Variants in DRC7 observed in about 807,000 individuals in gnomAD.
DRC7 encodes dynein regulatory complex subunit 7.
In DRC7, 80 loss-of-function variants were observed where a neutral mutation model predicts 104.4. The observed-to-expected ratio is 0.77, with a 90% CI of 0.64 to 0.92. The LOEUF (loss-of-function observed/expected upper bound fraction) is 0.92. DRC7 is among the 40% of genes least tolerant of loss of function. The pLI is 0.00. For synonymous variants in DRC7, 405 were observed against 447.3 expected (o/e 0.91, Z 1.19); for missense variants, 1,034 against 1,141.1 (o/e 0.91, Z 1.35).
At chr16:57,696,874 A>G (rs2048598079) in intron 2 of DRC7, among the ~76,000 whole-genome samples, 2 of 152,292 alleles carry the variant, frequency 1.3e-5, no homozygotes, top group South Asian at 4.1e-4. Context: ...GTTGTAGATC[A>G]TATCACCTTA....
chr16:57,731,293 G>A lies in DRC7; in HGVS notation c.*35G>A, dbSNP rs781206870. The A allele has an allele frequency of 6.4e-7, 1 of 1,555,694 alleles. No homozygotes were observed. On this transcript the variant is annotated 3_prime_UTR_variant, in exon 19 of 19. Transcript: ENST00000360716. ...TGGGGCCTCAGCCAGAGCTGCCAGAGAAAGGAAACCTCTTCCCGCAGCCTG... is the reference window on the plus strand; with the variant it reads ...TGGGGCCTCAGCCAGAGCTGCCAGAAAAAGGAAACCTCTTCCCGCAGCCTG...
At chr16:57,708,278 T>C (rs1389234914) in intron 8 of DRC7, among the ~76,000 whole-genome samples, 1 of 152,122 alleles carries the variant, frequency 6.6e-6, no homozygotes, top group African/African-American at 2.4e-5. Flanking sequence ...CCTACCATCG[T>C]CCCCAGAGTT....
chr16:57,707,501 G>A lies in DRC7; in HGVS notation c.900G>A (p.Arg300=), dbSNP rs757374716. The A allele has an allele frequency of 1.2e-6, 2 of 1,613,382 alleles. No homozygotes were observed. Among genetic ancestry groups the A allele is most frequent in the East Asian group, 4.5e-5 (2 of 44,880 alleles). Residue 300 remains arginine, a synonymous_variant, in exon 8 of 19, where the codon CGG becomes CGA. Coordinates refer to ENST00000360716, the MANE Select transcript of DRC7 (RefSeq NM_001289162.2). ...KAKPDALHGL[R]VHSWVLVLSG... The stretch of plus-strand genomic sequence containing the variant: ...AGCCGGATGCCCTGCACGGCCTGCG[G>A]GTGCACTCCTGGGTCCTTGTGCTAT...
In DRC7 at chr16:57,700,135, C is replaced by T; in HGVS notation, c.379-10C>T. On this transcript the variant is annotated splice_polypyrimidine_tract_variant and intron_variant, in intron 4 of 18. Transcript: ENST00000360716. Reference sequence around the variant, plus strand: ...CCTTGACCCCACTGGCACCATCTCTCTCCTTGCAGAAGTTCGTGAGCACAA... The same window carrying T: ...CCTTGACCCCACTGGCACCATCTCTTTCCTTGCAGAAGTTCGTGAGCACAA... The T allele has an allele frequency of 6.2e-7, 1 of 1,613,132 alleles. No homozygotes were observed. Among genetic ancestry groups the T allele is most frequent in the Admixed American group, 1.7e-5 (1 of 60,000 alleles).
chr16:57,698,953 C>T lies in DRC7; in HGVS notation c.307C>T (p.Arg103Cys), dbSNP rs760032821. ...GCTGCAGGTGGCAGACAACTTCTCC[C>T]GCCAGTACAGCCATCTGTGCCCGGA... The part of the protein sequence containing the change: ...HLLQVADNFS[R>C]QYSHLCPDRV... Residue 103 changes from arginine (R) to cysteine (C), a missense_variant, in exon 4 of 19, where the codon CGC becomes TGC. By Grantham distance (180) the Arg-to-Cys change is radical. Coordinates refer to ENST00000360716, the MANE Select transcript of DRC7 (RefSeq NM_001289162.2). 3.6e-5 allele frequency: 58 copies of T among 1,614,124 alleles called. No individual in the cohort carries two copies. The highest frequency in any genetic ancestry group is 4.4e-5 in the Non-Finnish European group (52 of 1,180,040).
At position 57,726,120 on chromosome 16, in the gene DRC7, T is replaced by G. The variant is rs956864246; in HGVS notation, c.1811T>G (p.Val604Gly). ...RNPAKPAEEDVAERVFLVAEE... is the reference protein window; with the variant it reads ...RNPAKPAEEDGAERVFLVAEE... ...CCAGCGAAGCCCGCGGAGGAGGACG[T>G]GGCAGAGCGCGTGTTTCTGGTCGCG... is the stretch of plus-strand genomic sequence containing the variant. Residue 604 changes from valine to glycine, a missense_variant, in exon 14 of 19, where the codon GTG becomes GGG. By Grantham distance (109) the Val-to-Gly change is moderately radical. Transcript: ENST00000360716. 2 of 1,613,174 alleles carry G rather than the reference T, an allele frequency of 1.2e-6. No homozygotes were observed. The highest frequency in any genetic ancestry group is 2.7e-5 in the African/African-American group (2 of 74,942).
rs764883309 is a variant in DRC7 at position 57,731,168 on chromosome 16, C to A, written c.2535C>A (p.His845Gln). 17 of 1,613,906 alleles carry A rather than the reference C, an allele frequency of 1.1e-5. No individual in the cohort carries two copies. In the East Asian group the frequency reaches 3.3e-4, roughly 32 times the overall value. The change falls in exon 19 of 19, where the codon CAC becomes CAA. Residue 845 changes from histidine to glutamine, a missense_variant. His to Gln is a conservative substitution (Grantham distance 24). Transcript: ENST00000360716. ...TTCCTTGCCTCTCTGACTTCAGACA[C>A]AAGGAACTGGCCCCACTGAAGTACC... ...IRILEQRLNR[H>Q]KELAPLKYLA...
At chr16:57,712,866 C>T (rs1261313073) in intron 8 of DRC7, among the ~76,000 whole-genome samples, 6 of 152,092 alleles carry the variant, frequency 3.9e-5, no homozygotes, top group African/African-American at 7.2e-5. Context: ...TTCTTTCTCT[C>T]GGAAGTACTA....
chr16:57,723,676 C>T (rs1211968975), intron 12 of DRC7, among the ~76,000 whole-genome samples: 5 of 151,020 alleles, frequency 3.3e-5, no homozygotes, highest in South Asian at 2.1e-4. Context: ...TGCAGTGAGC[C>T]GAGATTATGC....
In DRC7 at chr16:57,726,943, G is replaced by GT; in HGVS notation, c.2085+2dup. ...TCAGGTCTGGGAGTCAGAGCTGGAG[G>GT]TAGGGTCCTGTGGGAGAGTGAGCAG... is the stretch of plus-strand genomic sequence containing the variant. On this transcript the variant is annotated splice_donor_variant, in intron 15 of 18. Coordinates refer to ENST00000360716, the MANE Select transcript of DRC7 (RefSeq NM_001289162.2). LOFTEE classifies it high-confidence loss of function. 1 of 1,587,080 alleles carries GT rather than the reference G, an allele frequency of 6.3e-7. No individual in the cohort carries two copies. Among genetic ancestry groups the GT allele is most frequent in the Admixed American group, 1.7e-5 (1 of 59,660 alleles).
At chr16:57,705,092 T>G (rs907429830) in intron 7 of DRC7, 58 bp downstream of exon 7, 2 of 1,564,266 alleles carry the variant, frequency 1.3e-6, no homozygotes, top group African/African-American at 2.7e-5. Flanking sequence ...CTGCTAGGGA[T>G]GGGAAAAGAG....
chr16:57,707,560 T>G lies in DRC7; in HGVS notation c.959T>G (p.Ile320Ser). The change falls in exon 8 of 19, where the codon ATC (isoleucine) becomes AGC (serine). Residue 320 changes from isoleucine (I) to serine (S), a missense_variant. Physicochemically the swap from Ile to Ser is moderately radical, Grantham distance 142. Transcript: ENST00000360716. ...GKREVPENFF[I>S]DPFTGHSYST... ...CGCGAGGTGCCTGAGAACTTCTTCA[T>G]CGACCCATTCACAGGACATAGCTAC... 6.2e-7 allele frequency: 1 copy of G among 1,613,550 alleles called. No individual in the cohort carries two copies. Among genetic ancestry groups the G allele is most frequent in the Non-Finnish European group, 8.5e-7 (1 of 1,180,006 alleles).
Position 57,723,089 on chromosome 16 carries a change from A to G in DRC7, c.1496A>G (p.Lys499Arg), listed in dbSNP as rs769741433. The part of the protein sequence containing the change: ...LKHINKTTDL[K>R]TDYFKPGHPQ... Reference sequence around the variant, plus strand: ...CACATAAACAAGACCACAGACCTGAAGACAGACTACTTCAAGCCTGGCCAC... The same window carrying G: ...CACATAAACAAGACCACAGACCTGAGGACAGACTACTTCAAGCCTGGCCAC... The change falls in exon 12 of 19, where the codon AAG becomes AGG. Residue 499 changes from lysine (K) to arginine (R), a missense_variant. Transcript: ENST00000360716. 6.2e-7 allele frequency: 1 copy of G among 1,613,874 alleles called. No homozygotes were observed. Among genetic ancestry groups the G allele is most frequent in the South Asian group, 1.1e-5 (1 of 91,086 alleles).
Position 57,728,444 on chromosome 16 carries a change from C to T in DRC7, c.2251C>T (p.Leu751=). ...GCAGGTGGAGACCCAGCTGGACTAC[C>T]TGGCCCCATTCCTGGCCCAGCTCCC... The part of the protein sequence containing the change: ...LRQVETQLDY[L]APFLAQLPPG... The change falls in exon 17 of 19, where the codon CTG becomes TTG. Residue 751 remains leucine (L), a synonymous_variant. Transcript: ENST00000360716. 1 of 1,611,938 alleles carries T rather than the reference C, an allele frequency of 6.2e-7. No individual in the cohort carries two copies. Among genetic ancestry groups the T allele is most frequent in the African/African-American group, 1.3e-5 (1 of 75,032 alleles).
At chr16:57,724,906 A>G (rs2048946719) in intron 13 of DRC7, 71 bp downstream of exon 13, 2 of 1,276,192 alleles carry the variant, frequency 1.6e-6, no homozygotes, top group East Asian at 2.5e-5. Context: ...CTGAATGGTG[A>G]GAGCCCTGGC....
chr16:57,731,531 T>G lies in DRC7; in HGVS notation c.*273T>G. On this transcript the variant is annotated 3_prime_UTR_variant, in exon 19 of 19. Transcript: ENST00000360716. The stretch of plus-strand genomic sequence containing the variant: ...TTATCTATAGCCTGGGACCACCCCC[T>G]TCCTCCCCTTGGCCTGTCGTTTGCT... 1 of 488,196 alleles carries G rather than the reference T, an allele frequency of 2.0e-6. No individual in the cohort carries two copies. Among genetic ancestry groups the G allele is most frequent in the Non-Finnish European group, 3.7e-6 (1 of 270,974 alleles). The allele number at this position is 488,196 out of a possible 1,614,324, so 30.2% of individuals were successfully genotyped here.
chr16:57,728,639 A>T lies in DRC7; in HGVS notation c.2391+55A>T, dbSNP rs2049003025. 6.2e-6 allele frequency: 9 copies of T among 1,440,338 alleles called. No individual in the cohort carries two copies. In the Admixed American group the frequency reaches 6.8e-5, roughly 11 times the overall value. 89.2% of individuals were successfully genotyped at this position (1,440,338 alleles called of 1,614,324 possible). On this transcript the variant is annotated intron_variant, in intron 17 of 18. Coordinates refer to ENST00000360716, the MANE Select transcript of DRC7 (RefSeq NM_001289162.2). ...GGGATCTCAGCATCTGCATCCAGGA[A>T]ATGGGCCCACGGCTGTCCGCCCACT...
chr16:57,715,987 G>T (rs2048838496), intron 8 of DRC7, among the ~76,000 whole-genome samples: 1 of 152,222 alleles, frequency 6.6e-6, no homozygotes, highest in Non-Finnish European at 1.5e-5. Flanking sequence ...CAGCTGCTTT[G>T]TTTCTTCAAA....
At chr16:57,699,505 G>C (rs2048634838) in intron 4 of DRC7, among the ~76,000 whole-genome samples, 1 of 152,166 alleles carries the variant, frequency 6.6e-6, no homozygotes, top group African/African-American at 2.4e-5. Context: ...GGCCCAGAAA[G>C]GCTCAGAGAC....
Sources: gnomAD v4.1 joint callset for allele counts (sites outside exome capture counted in the v4.1 genomes callset) on GRCh38, gnomAD v4.1.1 for gene constraint, MANE v1.5 for transcripts, NCBI Gene and HGNC (gene_info 2026-07-23, HGNC 2026-07-21) for gene names.